Variants in CTNNA3 observed in about 807,000 individuals in gnomAD.
CTNNA3 encodes catenin alpha-3.
CTNNA3 carries 76 observed loss-of-function variants against 95.7 expected under a neutral mutation model. That is an observed-to-expected ratio of 0.79 (90% CI 0.66 to 0.96). The LOEUF is 0.96. Among genes scored for constraint, CTNNA3 ranks in the 40% least tolerant of loss-of-function variants. The pLI, the probability that CTNNA3 is intolerant of heterozygous loss-of-function variation, is 0.00. For missense variants in CTNNA3, 1,191 were observed against 1,089.8 expected, an observed-to-expected ratio of 1.09 and a Z score of -1.31; for synonymous variants, 431 against 374.4, an observed-to-expected ratio of 1.15 and a Z score of -1.74.
chr10:67,193,398 T>C (rs1407961921), intron 6 of CTNNA3, among the ~76,000 whole-genome samples: 1 of 152,030 alleles, frequency 6.6e-6, no homozygotes, highest in Admixed American at 6.6e-5. Flanking sequence ...GTTTGTTATA[T>C]AGGTAAACTT....
At position 66,905,514 on chromosome 10, in the gene CTNNA3, C is replaced by T. The variant is rs150156284; in HGVS notation, c.1048-129990G>A. 4.4e-3 allele frequency among the ~76,000 whole-genome samples: 670 copies of T among 152,098 alleles called. 4 individuals carry two copies. The highest frequency in any genetic ancestry group is 0.015 in the African/African-American group (643 of 41,514). ...TACACATGTGCCCTAGAACTTAAAG[C>T]ATAATTTTTAAAAAATTGAAATCAA... On this transcript the variant is annotated intron_variant, in intron 7 of 17. Coordinates refer to ENST00000433211, the MANE Select transcript of CTNNA3 (RefSeq NM_013266.4).
intron 7 of CTNNA3, chr10:66,928,525 T>A: frequency 1.4e-6 from 2 of 1,394,972 alleles, no homozygotes; most frequent in African/African-American, 1.4e-5. Context: ...CTCTGGTGAC[T>A]ATCAAGGGAA....
chr10:66,024,317 C>T (rs2079293136), intron 15 of CTNNA3, among the ~76,000 whole-genome samples: 1 of 152,046 alleles, frequency 6.6e-6, no homozygotes, highest in Non-Finnish European at 1.5e-5. Context: ...TCTCGATCTC[C>T]TGACCTCGTG....
chr10:66,965,681 A>T (rs1849376755), intron 7 of CTNNA3, among the ~76,000 whole-genome samples: 2 of 151,974 alleles, frequency 1.3e-5, no homozygotes, highest in Admixed American at 6.6e-5. Context: ...GTCCCAAAGC[A>T]AAACTGTAGC....
chr10:66,617,670 T>C (rs1420041325), intron 10 of CTNNA3, among the ~76,000 whole-genome samples: 1 of 152,114 alleles, frequency 6.6e-6, no homozygotes, highest in Non-Finnish European at 1.5e-5. Context: ...ATGCCCTCTC[T>C]CACCACTCCT....
chr10:67,562,837 C>T (rs1346047246), intron 3 of CTNNA3, among the ~76,000 whole-genome samples: 2 of 152,002 alleles, frequency 1.3e-5, no homozygotes, highest in African/African-American at 2.4e-5. Context: ...CATTCTTATA[C>T]ACCAATAACA....
At chr10:67,281,130 C>T (rs1839384193) in intron 5 of CTNNA3, among the ~76,000 whole-genome samples, 1 of 150,208 alleles carries the variant, frequency 6.7e-6, no homozygotes. Flanking sequence ...GATCTTTACA[C>T]TTTTGAAAAA....
At chr10:67,332,996 A>T (rs575179473) in intron 5 of CTNNA3, among the ~76,000 whole-genome samples, 3 of 152,344 alleles carry the variant, frequency 2.0e-5, no homozygotes, top group African/African-American at 7.2e-5. Flanking sequence ...ATAAATCAAC[A>T]AAAATGTAGA....
upstream of CTNNA3, among the ~76,000 whole-genome samples, chr10:67,700,521 G>C (rs1230123099): frequency 1.3e-5 from 2 of 152,220 alleles, no homozygotes; most frequent in African/African-American, 2.4e-5. Context: ...AACAGGGTCT[G>C]GAGTGGACCT....
chr10:66,420,827 A>AATTAATT (rs1564945802), intron 11 of CTNNA3, among the ~76,000 whole-genome samples: 3 of 66,636 alleles, frequency 4.5e-5, no homozygotes, highest in South Asian at 7.4e-4. Flanking sequence ...ATAAATAAAT[A>AATTAATT]AATAAATAAA....
intron 10 of CTNNA3, among the ~76,000 whole-genome samples, chr10:66,541,236 C>A (rs1841841479): frequency 6.6e-6 from 1 of 152,028 alleles, no homozygotes; most frequent in East Asian, 1.9e-4. Flanking sequence ...TGTATTTATA[C>A]CAAAGGAATC....
intron 10 of CTNNA3, among the ~76,000 whole-genome samples, chr10:66,535,651 T>G (rs1165556425): frequency 6.6e-6 from 1 of 152,198 alleles, no homozygotes; most frequent in Non-Finnish European, 1.5e-5. Flanking sequence ...GACTGAGTCT[T>G]CTAACATATC....
intron 7 of CTNNA3, among the ~76,000 whole-genome samples, chr10:67,088,886 TA>T (rs1455801126): frequency 6.6e-6 from 1 of 151,910 alleles, no homozygotes. Flanking sequence ...TAAACTCAAC[TA>T]ACTGCAAATT....
chr10:66,934,676 T>C (rs1847591403), intron 7 of CTNNA3, among the ~76,000 whole-genome samples: 1 of 152,088 alleles, frequency 6.6e-6, no homozygotes, highest in Non-Finnish European at 1.5e-5. Context: ...ACTTTATGTA[T>C]AGGGGTACTC....
At chr10:66,710,846 C>A (rs10997333) in intron 9 of CTNNA3, among the ~76,000 whole-genome samples, 4 of 151,830 alleles carry the variant, frequency 2.6e-5, no homozygotes, top group Non-Finnish European at 5.9e-5. Context: ...CTTTGTCATG[C>A]GCTTGTTACA....
At chr10:67,346,925 G>A (rs571843901) in intron 5 of CTNNA3, among the ~76,000 whole-genome samples, 6 of 152,050 alleles carry the variant, frequency 3.9e-5, no homozygotes, top group Non-Finnish European at 8.8e-5. Flanking sequence ...GCCTCCAAGG[G>A]ACCACAGAGG....
intron 10 of CTNNA3, among the ~76,000 whole-genome samples, chr10:66,550,597 G>A (rs1203867357): frequency 6.6e-6 from 1 of 152,144 alleles, no homozygotes; most frequent in Non-Finnish European, 1.5e-5. Context: ...CCCTCTAAGA[G>A]AAAGTTTGCC....
intron 11 of CTNNA3, among the ~76,000 whole-genome samples, chr10:66,445,972 T>C (rs1406215545): frequency 1.3e-5 from 2 of 151,838 alleles, no homozygotes; most frequent in Non-Finnish European, 2.9e-5. Context: ...ATAGATGCAA[T>C]AAAAAATGAT....
intron 7 of CTNNA3, among the ~76,000 whole-genome samples, chr10:66,973,010 A>C (rs1164075052): frequency 6.6e-6 from 1 of 152,210 alleles, no homozygotes; most frequent in Non-Finnish European, 1.5e-5. Context: ...AGTCAACCAC[A>C]AGCAGTTTTA....
Sources: gnomAD v4.1 joint callset for allele counts (sites outside exome capture counted in the v4.1 genomes callset) on GRCh38, gnomAD v4.1.1 for gene constraint, MANE v1.5 for transcripts, NCBI Gene and HGNC (gene_info 2026-07-23, HGNC 2026-07-21) for gene names.